The following TNR variants were observed in gnomAD, a reference collection of about 807,000 sequenced individuals.
TNR encodes the protein tenascin-R.
A neutral mutation model predicts 150.4 loss-of-function variants in TNR; 45 were observed. The ratio of observed to expected loss-of-function variants is 0.30; its 90% CI spans 0.24 to 0.38. The LOEUF is 0.38. TNR is among the 10% of genes least tolerant of loss of function. The pLI is 1.00. For synonymous variants in TNR, 687 were observed against 678.4 expected (o/e 1.01, Z -0.20); for missense variants, 1,544 against 1,759.1 (o/e 0.88, Z 2.19).
intron 1 of TNR, among the ~76,000 whole-genome samples, chr1:175,528,654 T>C (rs1341172060): frequency 2.6e-5 from 4 of 152,222 alleles, no homozygotes; most frequent in African/African-American, 7.2e-5. Context: ...AAATGTGCTT[T>C]AGGTTTTTGA....
At chr1:175,352,614 C>G (rs1462924029) in intron 18 of TNR, among the ~76,000 whole-genome samples, 1 of 152,128 alleles carries the variant, frequency 6.6e-6, no homozygotes, top group East Asian at 1.9e-4. Flanking sequence ...ATAATTGACT[C>G]CAGCCCCATA....
chr1:175,595,380 C>T (rs188238162), intron 1 of TNR, among the ~76,000 whole-genome samples: 78 of 152,262 alleles, frequency 5.1e-4, no homozygotes, highest in African/African-American at 1.8e-3. Context: ...TTTCACATTC[C>T]CAAGTATATA....
At chr1:175,411,401 G>A (rs1175033111) in intron 2 of TNR, among the ~76,000 whole-genome samples, 1 of 152,108 alleles carries the variant, frequency 6.6e-6, no homozygotes, top group Non-Finnish European at 1.5e-5. Context: ...CTATAATATG[G>A]CATTAGTTCC....
Position 175,584,605 on chromosome 1 carries a change from A to G in TNR, c.-164-56236T>C, listed in dbSNP as rs151071422. The stretch of plus-strand genomic sequence containing the variant: ...GCATCAACTACATAACAGATTCTAA[A>G]ACACTGAAAATTATAACAATAAATA... On this transcript the variant is annotated intron_variant, in intron 1 of 22. Transcript: ENST00000367674. Among the ~76,000 whole-genome samples, 428 of 152,342 alleles carry G rather than the reference A, an allele frequency of 2.8e-3. 1 individual carries two copies. The highest frequency in any genetic ancestry group is 9.9e-3 in the African/African-American group (413 of 41,582).
intron 1 of TNR, among the ~76,000 whole-genome samples, chr1:175,537,096 G>T (rs527708385): frequency 6.6e-6 from 1 of 152,280 alleles, no homozygotes; most frequent in Admixed American, 6.5e-5. Context: ...AGGAGGCTTT[G>T]GTGCACGATC....
chr1:175,499,530 C>T (rs1180346415), intron 2 of TNR, among the ~76,000 whole-genome samples: 4 of 152,080 alleles, frequency 2.6e-5, no homozygotes, highest in African/African-American at 9.7e-5. Context: ...TCCACACCCT[C>T]CCTTCTGGAA....
intron 16 of TNR, among the ~76,000 whole-genome samples, chr1:175,356,023 T>C (rs1294294189): frequency 6.6e-6 from 1 of 152,178 alleles, no homozygotes; most frequent in Non-Finnish European, 1.5e-5. Flanking sequence ...TTCCTAGATA[T>C]CTAGCCTTTT....
At chr1:175,664,594 T>A (rs537489299) in intron 1 of TNR, among the ~76,000 whole-genome samples, 1 of 152,234 alleles carries the variant, frequency 6.6e-6, no homozygotes, top group South Asian at 2.1e-4. Flanking sequence ...CCTGTGTGAG[T>A]CTTCTATTTT....
Position 175,599,335 on chromosome 1 carries a change from T to C in TNR, c.-164-70966A>G, listed in dbSNP as rs942320673. Among the ~76,000 whole-genome samples the C allele has an allele frequency of 1.3e-5, 2 of 152,042 alleles. No individual in the cohort carries two copies. Among genetic ancestry groups the C allele is most frequent in the Non-Finnish European group, 1.5e-5 (1 of 67,994 alleles). The stretch of plus-strand genomic sequence containing the variant: ...AGCAACGCTAACGGGGCAGACCGCA[T>C]AGGGGCCCTGAGAGGCACACACGCG... On this transcript the variant is annotated intron_variant, in intron 1 of 22. Coordinates refer to ENST00000367674, the MANE Select transcript of TNR (RefSeq NM_003285.3). The surrounding 1 kb of genome is among the most constrained non-coding windows in gnomAD (Gnocchi z 4.7).
chr1:175,422,151 G>A (rs1654778874), intron 2 of TNR, among the ~76,000 whole-genome samples: 1 of 152,184 alleles, frequency 6.6e-6, no homozygotes, highest in Non-Finnish European at 1.5e-5. Context: ...TGAATGTCAA[G>A]AGCTGTATGC....
chr1:175,328,197 G>A (rs927982513), intron 21 of TNR, among the ~76,000 whole-genome samples: 2 of 152,130 alleles, frequency 1.3e-5, no homozygotes, highest in African/African-American at 2.4e-5. Flanking sequence ...AAAACTAGAC[G>A]ATTAGTTTTT....
intron 1 of TNR, among the ~76,000 whole-genome samples, chr1:175,734,551 G>A (rs1039407144): frequency 2.6e-5 from 4 of 152,226 alleles, no homozygotes; most frequent in African/African-American, 9.6e-5. Context: ...GGTGGAGCTG[G>A]TCAGGTGGGC....
At chr1:175,359,457 G>T (rs1209011974) in intron 15 of TNR, among the ~76,000 whole-genome samples, 155 bp downstream of exon 15, 1 of 152,092 alleles carries the variant, frequency 6.6e-6, no homozygotes, top group Admixed American at 6.6e-5. Flanking sequence ...AGAGTTTGGG[G>T]ATATCTTGAG....
chr1:175,618,696 C>T (rs1187071219), intron 1 of TNR, among the ~76,000 whole-genome samples: 1 of 152,154 alleles, frequency 6.6e-6, no homozygotes, highest in Non-Finnish European at 1.5e-5. Flanking sequence ...GAGTGGAATC[C>T]CCCAACCTGG....
chr1:175,404,811 G>T (rs1653874077), intron 3 of TNR, among the ~76,000 whole-genome samples: 1 of 152,236 alleles, frequency 6.6e-6, no homozygotes, highest in South Asian at 2.1e-4. Flanking sequence ...CCATTGAAAA[G>T]ACAAGCTGAC....
chr1:175,589,542 G>T (rs1662712338), intron 1 of TNR, among the ~76,000 whole-genome samples: 1 of 152,044 alleles, frequency 6.6e-6, no homozygotes, highest in South Asian at 2.1e-4. Context: ...AATGCAAAAA[G>T]TATGCATATA....
chr1:175,610,883 G>T (rs1024859005), intron 1 of TNR, among the ~76,000 whole-genome samples: 3 of 152,228 alleles, frequency 2.0e-5, no homozygotes, highest in East Asian at 1.9e-4. Flanking sequence ...GGGAGAGAAA[G>T]AATACATTCT....
chr1:175,402,130 A>T (rs1653734841), intron 4 of TNR, among the ~76,000 whole-genome samples: 1 of 151,562 alleles, frequency 6.6e-6, no homozygotes, highest in Admixed American at 6.6e-5. Flanking sequence ...ACAAGGTGAA[A>T]CCCCGTCTCT....
intron 2 of TNR, among the ~76,000 whole-genome samples, chr1:175,435,022 CT>C (rs1312476820): frequency 6.6e-6 from 1 of 152,174 alleles, no homozygotes; most frequent in African/African-American, 2.4e-5. Context: ...ATATTTCTGT[CT>C]TCTCTGTTAG....
Sources: gnomAD v4.1 joint callset for allele counts (sites outside exome capture counted in the v4.1 genomes callset) on GRCh38, gnomAD v4.1.1 for gene constraint, Gnocchi (gnomAD v3.1) non-coding constraint, MANE v1.5 for transcripts, NCBI Gene and HGNC (gene_info 2026-07-23, HGNC 2026-07-21) for gene names.